KIF26B: variants seen among roughly 807,000 people sequenced by gnomAD.
The protein encoded by KIF26B is kinesin family member 26B.
Under a neutral mutation model 151.2 loss-of-function variants are expected in KIF26B, and 63 were observed. The ratio of observed to expected loss-of-function variants is 0.42; its 90% CI spans 0.34 to 0.51. The LOEUF is 0.51. KIF26B is among the 20% of genes least tolerant of loss of function. The pLI is 0.07. For synonymous variants in KIF26B, 1,357 were observed against 1,262.1 expected, an observed-to-expected ratio of 1.08 and a Z score of -1.59; for missense variants, 2,813 against 2,913.6, an observed-to-expected ratio of 0.97 and a Z score of 0.79.
intron 9 of KIF26B, among the ~76,000 whole-genome samples, chr1:245,633,766 C>T (rs949379062): frequency 6.6e-6 from 1 of 152,064 alleles, no homozygotes; most frequent in Admixed American, 6.5e-5. Flanking sequence ...TTTATGTACA[C>T]ATTTTAATCA....
chr1:245,547,947 G>T (rs944345156), intron 5 of KIF26B, among the ~76,000 whole-genome samples: 1 of 152,146 alleles, frequency 6.6e-6, no homozygotes, highest in Admixed American at 6.5e-5. Flanking sequence ...TAGAGAAACA[G>T]AATTTAGCAT....
At chr1:245,435,988 C>T (rs1453490754) in intron 4 of KIF26B, among the ~76,000 whole-genome samples, 1 of 151,990 alleles carries the variant, frequency 6.6e-6, no homozygotes, top group East Asian at 1.9e-4. Flanking sequence ...ACCAGCCTGG[C>T]CAACATGACA....
At chr1:245,354,318 G>A (rs987475680) in intron 2 of KIF26B, among the ~76,000 whole-genome samples, 3 of 152,146 alleles carry the variant, frequency 2.0e-5, no homozygotes, top group Non-Finnish European at 2.9e-5. Flanking sequence ...GAGGCTTGAA[G>A]TGATTTCATA....
At chr1:245,431,730 G>T (rs1658786398) in intron 4 of KIF26B, among the ~76,000 whole-genome samples, 1 of 152,178 alleles carries the variant, frequency 6.6e-6, no homozygotes, top group Non-Finnish European at 1.5e-5. Flanking sequence ...ACCCACCTTG[G>T]CCTCCCAAAG....
chr1:245,470,886 A>G (rs1205849594), intron 4 of KIF26B, among the ~76,000 whole-genome samples: 2 of 151,964 alleles, frequency 1.3e-5, no homozygotes, highest in African/African-American at 4.8e-5. Flanking sequence ...GTACAATTTC[A>G]TCAATTTCAT....
Position 245,686,181 on chromosome 1 carries a change from C to G in KIF26B, c.3198C>G (p.Pro1066=), listed in dbSNP as rs202210586. The part of the protein sequence containing the change: ...VEGKPRPMGS[P]RLGIASLSKT... ...GCAAGCCCAGGCCCATGGGCTCCCC[C>G]CGGCTGGGCATCGCCAGCCTGTCCA... The change falls in exon 12 of 15, where the codon CCC becomes CCG. Residue 1066 remains proline (P), a synonymous_variant. Transcript: ENST00000407071. This position sits in a 1 kb window ranked among gnomAD's most constrained non-coding sequence, Gnocchi z 5.6. 206 of 1,612,472 alleles carry G rather than the reference C, an allele frequency of 1.3e-4. No individual in the cohort carries two copies. In the East Asian group the frequency reaches 4.3e-3, roughly 34 times the overall value.
At position 245,684,296 on chromosome 1, in the gene KIF26B, G is replaced by C; in HGVS notation, c.2322G>C (p.Met774Ile). ...SLGNMNCRTT[M>I]IAHISAAVGS... ...GGAACATGAACTGCCGTACCACCAT[G>C]ATCGCGCACATCTCGGCCGCGGTCG... is the stretch of plus-strand genomic sequence containing the variant. Residue 774 changes from methionine (M) to isoleucine (I), a missense_variant, in exon 11 of 15, where the codon ATG becomes ATC. Met to Ile is a conservative substitution (Grantham distance 10). Around this residue, in one of 3 missense-constraint regions of KIF26B, gnomAD observed 2,060 missense variants for 2,088.6 expected, o/e 0.99. Coordinates refer to ENST00000407071, the MANE Select transcript of KIF26B (RefSeq NM_018012.4). 6.2e-7 allele frequency: 1 copy of C among 1,613,980 alleles called. No homozygotes were observed. The highest frequency in any genetic ancestry group is 8.5e-7 in the Non-Finnish European group (1 of 1,179,884).
At chr1:245,394,501 T>C (rs1447360562) in intron 3 of KIF26B, among the ~76,000 whole-genome samples, 1 of 151,952 alleles carries the variant, frequency 6.6e-6, no homozygotes, top group Non-Finnish European at 1.5e-5. Context: ...CACAGGCCTG[T>C]AGTCTCAGTT....
chr1:245,664,211 A>G (rs553481452), intron 10 of KIF26B, among the ~76,000 whole-genome samples: 1 of 151,792 alleles, frequency 6.6e-6, no homozygotes, highest in East Asian at 1.9e-4. Flanking sequence ...TCGAGTAAAA[A>G]TACAACATTA....
chr1:245,676,831 G>T (rs1280845638), intron 10 of KIF26B, among the ~76,000 whole-genome samples: 1 of 152,136 alleles, frequency 6.6e-6, no homozygotes, highest in Non-Finnish European at 1.5e-5. Context: ...TCTCCTCCTG[G>T]AAACAACTGC....
At chr1:245,197,257 C>T (rs1431202464) in intron 2 of KIF26B, among the ~76,000 whole-genome samples, 1 of 152,124 alleles carries the variant, frequency 6.6e-6, no homozygotes, top group African/African-American at 2.4e-5. Context: ...AACCATGGGC[C>T]TTCTAGGAGA....
rs374805857 is a variant in KIF26B, at chr1:245,555,370, G to A, written c.1350+14420G>A. 1.1e-3 allele frequency among the ~76,000 whole-genome samples: 164 copies of A among 152,248 alleles called. 1 individual carries two copies. In the South Asian group the frequency reaches 0.032, roughly 30 times the overall value. ...TCTCGAGTGCTCCGGGACGCTTCTC[G>A]CCTCGTCTCTTACGTGTGCTTCTTC... On this transcript the variant is annotated intron_variant, in intron 5 of 14. Coordinates refer to ENST00000407071, the MANE Select transcript of KIF26B (RefSeq NM_018012.4).
In KIF26B at chr1:245,685,524, C is replaced by T. The variant is rs776422030; in HGVS notation, c.2541C>T (p.His847=). Residue 847 remains histidine, a synonymous_variant, in exon 12 of 15, where the codon CAC becomes CAT. Coordinates refer to ENST00000407071, the MANE Select transcript of KIF26B (RefSeq NM_018012.4). ...TGGACCCTGACTTCCCCATCGCTCA[C>T]CTGTCCAGCGACCCCGACTACTCCT... ...ATVDPDFPIA[H]LSSDPDYSSS... 6 of 1,613,770 alleles carry T rather than the reference C, an allele frequency of 3.7e-6. No homozygotes were observed. The highest frequency in any genetic ancestry group is 4.2e-6 in the Non-Finnish European group (5 of 1,179,806).
intron 2 of KIF26B, among the ~76,000 whole-genome samples, chr1:245,195,628 G>C (rs994452727): frequency 6.6e-6 from 1 of 152,158 alleles, no homozygotes; most frequent in Admixed American, 6.5e-5. Flanking sequence ...CTGGGGCTCC[G>C]CTTCAGGGCC....
At chr1:245,202,803 T>A (rs1226126154) in intron 2 of KIF26B, among the ~76,000 whole-genome samples, 1 of 140,596 alleles carries the variant, frequency 7.1e-6, no homozygotes, top group African/African-American at 2.7e-5. Flanking sequence ...CAGCCGGGCA[T>A]GGTGGCGCAT....
chr1:245,233,665 C>T (rs116411288), intron 2 of KIF26B, among the ~76,000 whole-genome samples: 3,383 of 152,248 alleles, frequency 0.022, 115 homozygotes, highest in African/African-American at 0.077. Flanking sequence ...AATCTCTTAA[C>T]TAACCACAGA....
chr1:245,520,607 CCCACCCATCCAT>C (rs1289550654), intron 4 of KIF26B, among the ~76,000 whole-genome samples: 3,706 of 107,528 alleles, frequency 0.034, 73 homozygotes, highest in South Asian at 0.083. Context: ...CATCCACCCA[CCCACCCATCCAT>C]CCATCCATCC....
rs1435002134 is a variant in KIF26B at position 245,704,425 on chromosome 1, A to C, written c.*1819A>C. The C allele has an allele frequency of 6.6e-6, 1 of 152,264 alleles. No individual in the cohort carries two copies. Among genetic ancestry groups the C allele is most frequent in the Non-Finnish European group, 1.5e-5 (1 of 68,052 alleles). 9.4% of individuals were successfully genotyped at this position (152,264 alleles called of 1,614,324 possible). On this transcript the variant is annotated 3_prime_UTR_variant, in exon 15 of 15. Transcript: ENST00000407071. ...TCACATGACCTGATCCTTTGTTATC[A>C]GAACAGGGTTCAGGTGGCCCTGTTG...
At chr1:245,187,461 A>G (rs1053878315) in intron 2 of KIF26B, among the ~76,000 whole-genome samples, 3 of 152,252 alleles carry the variant, frequency 2.0e-5, no homozygotes, top group Non-Finnish European at 4.4e-5. Context: ...GAATATGTCC[A>G]TGTAACAAAA....
Sources: gnomAD v4.1 joint callset for allele counts (sites outside exome capture counted in the v4.1 genomes callset) on GRCh38, gnomAD v4.1.1 for gene constraint, gnomAD v4.1.1 regional missense constraint, Gnocchi (gnomAD v3.1) non-coding constraint, MANE v1.5 for transcripts, NCBI Gene and HGNC (gene_info 2026-07-23, HGNC 2026-07-21) for gene names.